Variants in UST observed in about 807,000 individuals in gnomAD.
The protein encoded by UST is chondroitin sulfate 2-O-sulfotransferase.
In UST, 21 loss-of-function variants were observed where a neutral mutation model predicts 45.6. That is an observed-to-expected ratio of 0.46 (90% CI 0.33 to 0.66). The LOEUF is 0.66. Ranked by LOEUF, UST falls within the 30% of genes least tolerant of loss-of-function variation. UST has a pLI of 0.02. For missense variants in UST, 463 were observed against 512.4 expected (o/e 0.90, Z 0.93); for synonymous variants, 215 against 200.6 (o/e 1.07, Z -0.61).
intron 1 of UST, among the ~76,000 whole-genome samples, chr6:148,864,186 C>G (rs1387336539): frequency 6.6e-6 from 1 of 152,228 alleles, no homozygotes; most frequent in Admixed American, 6.5e-5. Context: ...TGTTTACCTA[C>G]TCAAGCCTCA....
chr6:148,879,535 A>G (rs1465620572), intron 1 of UST, among the ~76,000 whole-genome samples: 1 of 152,246 alleles, frequency 6.6e-6, no homozygotes, highest in Non-Finnish European at 1.5e-5. Context: ...AATTAAAATC[A>G]GAATCGCTAA....
chr6:148,802,420 A>G (rs1161152671), intron 1 of UST, among the ~76,000 whole-genome samples: 2 of 152,246 alleles, frequency 1.3e-5, no homozygotes, highest in East Asian at 3.8e-4. Flanking sequence ...AACACAATGT[A>G]TATGTAAGTT....
intron 1 of UST, among the ~76,000 whole-genome samples, chr6:148,827,775 TTGTACTC>T (rs2114753845): frequency 6.7e-6 from 1 of 150,252 alleles, no homozygotes; most frequent in Non-Finnish European, 1.5e-5. Context: ...GTGAATTAGA[TTGTACTC>T]TGTATTCATT....
rs75338932 is a variant in UST, at chr6:148,879,126, C to T, written c.248-7860C>T. Among the ~76,000 whole-genome samples the T allele has an allele frequency of 8.4e-3, 1,274 of 152,192 alleles. 19 individuals carry two copies. The highest frequency in any genetic ancestry group is 0.029 in the African/African-American group (1,200 of 41,492). ...TGGTTTAGGGGATAAGCTCTATGCC[C>T]GGAGGTGCCCTGTGCCAGCCCACTC... On this transcript the variant is annotated intron_variant, in intron 1 of 7. Coordinates refer to ENST00000367463, the MANE Select transcript of UST (RefSeq NM_005715.3).
chr6:148,826,967 C>A (rs1777580199), intron 1 of UST, among the ~76,000 whole-genome samples: 1 of 152,154 alleles, frequency 6.6e-6, no homozygotes, highest in South Asian at 2.1e-4. Flanking sequence ...CCTAGATAAT[C>A]CAGGATAATC....
At chr6:148,830,558 T>G (rs1321030237) in intron 1 of UST, among the ~76,000 whole-genome samples, 3 of 152,198 alleles carry the variant, frequency 2.0e-5, no homozygotes, top group African/African-American at 7.2e-5. Flanking sequence ...CTATGGAACC[T>G]TAGTGCTAGA....
At chr6:148,747,855 G>C (rs537033291) in intron 1 of UST, among the ~76,000 whole-genome samples, 178 bp downstream of exon 1, 1 of 152,104 alleles carries the variant, frequency 6.6e-6, no homozygotes, top group East Asian at 1.9e-4. Context: ...TTCCTCCCGC[G>C]CGTCCGACTG....
intron 1 of UST, among the ~76,000 whole-genome samples, chr6:148,818,214 C>T (rs1310828615): frequency 2.0e-5 from 3 of 152,138 alleles, no homozygotes; most frequent in African/African-American, 4.8e-5. Flanking sequence ...AAGTGGCATA[C>T]ATCTTGCAGT....
At chr6:148,928,711 A>G (rs1212054804) in intron 2 of UST, among the ~76,000 whole-genome samples, 1 of 152,256 alleles carries the variant, frequency 6.6e-6, no homozygotes, top group East Asian at 1.9e-4. Flanking sequence ...TTCAATTATG[A>G]AAAAGGTATA....
intron 7 of UST, among the ~76,000 whole-genome samples, chr6:149,040,539 C>T (rs1257721677): frequency 6.6e-6 from 1 of 152,100 alleles, no homozygotes; most frequent in Non-Finnish European, 1.5e-5. Context: ...CCTGTAATCC[C>T]AGCTACTCGG....
At chr6:149,012,246 A>G (rs1372494904) in intron 5 of UST, among the ~76,000 whole-genome samples, 1 of 152,224 alleles carries the variant, frequency 6.6e-6, no homozygotes, top group East Asian at 1.9e-4. Flanking sequence ...GCCATCTGCC[A>G]CTTTCCAATC....
At chr6:149,009,087 G>A (rs1775763733) in intron 5 of UST, among the ~76,000 whole-genome samples, 1 of 152,194 alleles carries the variant, frequency 6.6e-6, no homozygotes, top group Non-Finnish European at 1.5e-5. Context: ...CTTTAAGAGG[G>A]AGCTTTACTT....
At chr6:148,901,247 T>A (rs760891335) in intron 2 of UST, among the ~76,000 whole-genome samples, 1 of 152,326 alleles carries the variant, frequency 6.6e-6, no homozygotes, top group East Asian at 1.9e-4. Flanking sequence ...AAAATATCTT[T>A]ATTTCATCCT....
At chr6:148,808,885 C>G (rs774522976) in intron 1 of UST, among the ~76,000 whole-genome samples, 10 of 152,220 alleles carry the variant, frequency 6.6e-5, no homozygotes, top group Non-Finnish European at 1.0e-4. Context: ...TGGCCATCTG[C>G]AAGCCAGGAA....
chr6:148,992,264 A>C lies in UST; in HGVS notation c.682-26875A>C, dbSNP rs577007246. 4.6e-4 allele frequency among the ~76,000 whole-genome samples: 70 copies of C among 152,196 alleles called. 2 individuals are homozygous for C. In the East Asian group the frequency reaches 0.012, roughly 27 times the overall value. On this transcript the variant is annotated intron_variant, in intron 5 of 7. Transcript: ENST00000367463. ...TCACGCCTGTAATCCCAGCACTTTG[A>C]GAGGCCGAGGCGGGCAGATCACGAG...
intron 5 of UST, chr6:148,990,337 G>C: frequency 1.1e-6 from 1 of 947,452 alleles, no homozygotes; most frequent in African/African-American, 1.8e-5. Flanking sequence ...AATAAGATTT[G>C]ATGCCATGAG....
chr6:149,046,116 T>C (rs1397194736), intron 7 of UST, among the ~76,000 whole-genome samples: 1 of 152,202 alleles, frequency 6.6e-6, no homozygotes, highest in Non-Finnish European at 1.5e-5. Flanking sequence ...TTAATGCACT[T>C]AGAACATACC....
chr6:149,046,624 G>A (rs1582975136), intron 7 of UST, among the ~76,000 whole-genome samples: 3 of 152,170 alleles, frequency 2.0e-5, no homozygotes, highest in African/African-American at 4.8e-5. Context: ...TTCTTCATCC[G>A]AAAGCAGAGA....
intron 4 of UST, chr6:148,956,168 C>T (rs1048329956): frequency 6.6e-6 from 1 of 152,126 alleles, no homozygotes; most frequent in Non-Finnish European, 1.5e-5. Context: ...AAAACAAGGA[C>T]AGTTCTCAGT....
Sources: gnomAD v4.1 joint callset for allele counts (sites outside exome capture counted in the v4.1 genomes callset) on GRCh38, gnomAD v4.1.1 for gene constraint, MANE v1.5 for transcripts, NCBI Gene and HGNC (gene_info 2026-07-23, HGNC 2026-07-21) for gene names.